JAG1: variants seen among roughly 807,000 people sequenced by gnomAD.
JAG1 encodes jagged canonical Notch ligand 1.
Under a neutral mutation model 148.7 loss-of-function variants are expected in JAG1, and 23 were observed. That is an observed-to-expected ratio of 0.15 (90% CI 0.11 to 0.22). JAG1 has a LOEUF of 0.22. Ranked by LOEUF, JAG1 falls within the 10% of genes least tolerant of loss-of-function variation. The probability of loss-of-function intolerance (pLI) is 1.00; values close to 1 mark genes in which losing one functional copy is unlikely to be tolerated. For missense variants in JAG1, 1,054 were observed against 1,611.2 expected (o/e 0.65, Z 5.92); for synonymous variants, 572 against 598.3 (o/e 0.96, Z 0.64).
chr20:10,673,541 C>A lies in JAG1; in HGVS notation c.-11G>T. ...CCGTGGGGAACGCATCGCTGCGCCG[C>A]GCGCCGCGGGCACTCGGGACGCCGC... On this transcript the variant is annotated 5_prime_UTR_variant, in exon 1 of 26. Coordinates refer to ENST00000254958, the MANE Select transcript of JAG1 (RefSeq NM_000214.3). This position sits in a 1 kb window ranked among gnomAD's most constrained non-coding sequence, Gnocchi z 4.7. 8.1e-7 allele frequency: 1 copy of A among 1,234,816 alleles called. No individual in the cohort carries two copies. Among genetic ancestry groups the A allele is most frequent in the Non-Finnish European group, 1.0e-6 (1 of 980,492 alleles). 76.5% of individuals were successfully genotyped at this position (1,234,816 alleles called of 1,614,324 possible). A position where few individuals can be genotyped will look rare whatever the true frequency, so the allele number is the denominator to read the frequency against.
intron 3 of JAG1, among the ~76,000 whole-genome samples, chr20:10,660,708 C>G (rs137962163): frequency 6.6e-6 from 1 of 152,146 alleles, no homozygotes; most frequent in Non-Finnish European, 1.5e-5. Context: ...GGGAGGGGGT[C>G]GAGCATGTCT....
chr20:10,640,325 C>A (rs113319026), intron 25 of JAG1, among the ~76,000 whole-genome samples: 56 of 152,336 alleles, frequency 3.7e-4, no homozygotes, highest in Non-Finnish European at 5.6e-4. Context: ...ACAGCTCAAA[C>A]GTGCCATGGC....
Position 10,645,531 on chromosome 20 carries a change from G to A in JAG1, c.2000-62C>T. The A allele has an allele frequency of 7.6e-7, 1 of 1,324,250 alleles. No homozygotes were observed. The allele number at this position is 1,324,250 out of a possible 1,614,324, so 82.0% of individuals were successfully genotyped here. A position where few individuals can be genotyped will look rare whatever the true frequency, so the allele number is the denominator to read the frequency against. On this transcript the variant is annotated intron_variant, in intron 15 of 25. Transcript: ENST00000254958. This position sits in a 1 kb window ranked among gnomAD's most constrained non-coding sequence, Gnocchi z 6.1. ...ATCCAGGACCATTCACGACAGGCGA[G>A]AGCCAAGCCTTTCCTACTGCTTACA...
chr20:10,649,448 T>C, intron 10 of JAG1, 74 bp downstream of exon 10: 2 of 907,678 alleles, frequency 2.2e-6, no homozygotes, highest in South Asian at 1.4e-5. Context: ...GTCCTAGGAC[T>C]GGAGCCCCAG....
rs1600197164 is a variant in JAG1, at chr20:10,673,711, G to C, written c.-181C>G. On this transcript the variant is annotated 5_prime_UTR_variant, in exon 1 of 26. Coordinates refer to ENST00000254958, the MANE Select transcript of JAG1 (RefSeq NM_000214.3). This position sits in a 1 kb window ranked among gnomAD's most constrained non-coding sequence, Gnocchi z 4.7. ...ACTTTTCAAAAGCCCTTTCAAGAGC[G>C]GCCCGTTCCAGAAGGCAAAGAGCCC... The C allele has an allele frequency of 3.8e-6, 1 of 263,354 alleles. No individual in the cohort carries two copies. 16.3% of individuals were successfully genotyped at this position (263,354 alleles called of 1,614,324 possible).
chr20:10,645,473 G>C lies in JAG1; in HGVS notation c.2000-4C>G, dbSNP rs753438350. On this transcript the variant is annotated splice_region_variant and splice_polypyrimidine_tract_variant and intron_variant, in intron 15 of 25. Coordinates refer to ENST00000254958, the MANE Select transcript of JAG1 (RefSeq NM_000214.3). This position sits in a 1 kb window ranked among gnomAD's most constrained non-coding sequence, Gnocchi z 6.1. ...TTCTGGCTGCAGTCATTAATATCTA[G>C]AATCAAAGGGGAGACAATCGGCTGA... The C allele has an allele frequency of 1.2e-6, 2 of 1,609,638 alleles. No homozygotes were observed. The highest frequency in any genetic ancestry group is 1.1e-5 in the South Asian group (1 of 91,010).
chr20:10,663,933 T>C, intron 3 of JAG1, 30 bp downstream of exon 3: 1 of 1,599,860 alleles, frequency 6.3e-7, no homozygotes, highest in Non-Finnish European at 8.6e-7. Flanking sequence ...CACGTGTGTT[T>C]AGAGAAAAGT....
In JAG1 at chr20:10,639,462, CAG is replaced by C. The variant is rs2067254724; in HGVS notation, c.*34_*35del. On this transcript the variant is annotated 3_prime_UTR_variant, in exon 26 of 26. Coordinates refer to ENST00000254958, the MANE Select transcript of JAG1 (RefSeq NM_000214.3). ...GACAGTTTAAAGAACTACAAGCCCT[CAG>C]ACTCTACCTAGCGGCGGCAGTGCCC... The C allele has an allele frequency of 1.3e-6, 2 of 1,567,812 alleles. No individual in the cohort carries two copies.
intron 18 of JAG1, 22 bp from the exon 19 acceptor site, chr20:10,644,406 A>G: frequency 6.2e-7 from 1 of 1,607,548 alleles, no homozygotes; most frequent in South Asian, 1.1e-5. Flanking sequence ...AGACAACTTA[A>G]TAGTGAGGAC....
At chr20:10,649,417 G>C (rs2067331278) in intron 10 of JAG1, 105 bp downstream of exon 10, 1 of 764,140 alleles carries the variant, frequency 1.3e-6, no homozygotes, top group African/African-American at 1.7e-5. Flanking sequence ...CCCACTCTAA[G>C]GTTTTCCTTC....
In JAG1 at chr20:10,638,382, C is replaced by CA; in HGVS notation, c.*1115dup. 1 of 152,556 alleles carries CA rather than the reference C, an allele frequency of 6.6e-6. No homozygotes were observed. The highest frequency in any genetic ancestry group is 1.5e-5 in the Non-Finnish European group (1 of 68,024). 9.5% of individuals were successfully genotyped at this position (152,556 alleles called of 1,614,324 possible). On this transcript the variant is annotated 3_prime_UTR_variant, in exon 26 of 26. Transcript: ENST00000254958. ...TTACAAAGTAAGATTGGTGTGCTTC[C>CA]AAGTTCACACAATTAATTTGATATT... is the stretch of plus-strand genomic sequence containing the variant.
At chr20:10,672,152 G>T (rs1470633635) in intron 2 of JAG1, among the ~76,000 whole-genome samples, 1 of 152,076 alleles carries the variant, frequency 6.6e-6, no homozygotes, top group Admixed American at 6.5e-5. Flanking sequence ...CCCTTAAGCC[G>T]AACCTGGAGA....
At position 10,673,557 on chromosome 20, in the gene JAG1, G is replaced by T; in HGVS notation, c.-27C>A. 8.2e-7 allele frequency: 1 copy of T among 1,214,050 alleles called. No homozygotes were observed. Among genetic ancestry groups the T allele is most frequent in the Non-Finnish European group, 1.0e-6 (1 of 964,598 alleles). The allele number at this position is 1,214,050 out of a possible 1,614,324, so 75.2% of individuals were successfully genotyped here. On this transcript the variant is annotated 5_prime_UTR_variant, in exon 1 of 26. Coordinates refer to ENST00000254958, the MANE Select transcript of JAG1 (RefSeq NM_000214.3). The surrounding 1 kb of genome is among the most constrained non-coding windows in gnomAD (Gnocchi z 4.7). The stretch of plus-strand genomic sequence containing the variant: ...GCTGCGCCGCGCGCCGCGGGCACTC[G>T]GGACGCCGCCGCTGCTGTTCGCGCT...
intron 5 of JAG1, 49 bp downstream of exon 5, chr20:10,656,349 T>A (rs1025419613): frequency 6.9e-7 from 1 of 1,446,652 alleles, no homozygotes; most frequent in African/African-American, 1.4e-5. Flanking sequence ...GTTCCTCTCT[T>A]ACATAAAGGA....
chr20:10,651,735 C>T (rs748191950), intron 7 of JAG1, 41 bp from the exon 8 acceptor site: 1 of 1,262,632 alleles, frequency 7.9e-7, no homozygotes, highest in Non-Finnish European at 1.2e-6. Context: ...GATGCCTGCA[C>T]ACCGTTACCT....
rs1436972811 is a variant in JAG1, at chr20:10,639,131, G to T, written c.*367C>A. 5 of 284,732 alleles carry T rather than the reference G, an allele frequency of 1.8e-5. No individual in the cohort carries two copies. The East Asian group carries it at 3.1e-4, about 17-fold the overall frequency. The allele number at this position is 284,732 out of a possible 1,614,324, so 17.6% of individuals were successfully genotyped here. The stretch of plus-strand genomic sequence containing the variant: ...AAACCAATATACAAAAACAACTCAA[G>T]AGTCAATAAATATAAATAAAACTAT... On this transcript the variant is annotated 3_prime_UTR_variant, in exon 26 of 26. Coordinates refer to ENST00000254958, the MANE Select transcript of JAG1 (RefSeq NM_000214.3).
At chr20:10,648,978 G>T in intron 11 of JAG1, 83 bp downstream of exon 11, 1 of 1,188,208 alleles carries the variant, frequency 8.4e-7, no homozygotes, top group Non-Finnish European at 1.3e-6. Flanking sequence ...AATCTCACAG[G>T]GACAGAGCTC....
intron 4 of JAG1, among the ~76,000 whole-genome samples, chr20:10,658,139 T>C (rs1016238764): frequency 6.6e-6 from 1 of 152,208 alleles, no homozygotes; most frequent in African/African-American, 2.4e-5. Flanking sequence ...GAAGCTGGGC[T>C]TTGTAGCCCT....
intron 4 of JAG1, among the ~76,000 whole-genome samples, chr20:10,656,811 A>G (rs929434571): frequency 6.6e-6 from 1 of 151,944 alleles, no homozygotes; most frequent in Non-Finnish European, 1.5e-5. Context: ...ATTAGAAGAA[A>G]AAAAGGTATA....
Sources: gnomAD v4.1 joint callset for allele counts (sites outside exome capture counted in the v4.1 genomes callset) on GRCh38, gnomAD v4.1.1 for gene constraint, Gnocchi (gnomAD v3.1) non-coding constraint, MANE v1.5 for transcripts, NCBI Gene and HGNC (gene_info 2026-07-23, HGNC 2026-07-21) for gene names.